Variants in ZNF512 observed in about 807,000 individuals in gnomAD.
The protein encoded by ZNF512 is zinc finger protein 512.
A neutral mutation model predicts 77.5 loss-of-function variants in ZNF512; 25 were observed. That is an observed-to-expected ratio of 0.32 (90% CI 0.23 to 0.45). The LOEUF (loss-of-function observed/expected upper bound fraction) is 0.45, where lower values mean the gene tolerates loss of function less well. ZNF512 is among the 20% of genes least tolerant of loss of function. The pLI is 1.00. For missense variants in ZNF512, 483 were observed against 692.6 expected, an observed-to-expected ratio of 0.70 and a Z score of 3.40; for synonymous variants, 246 against 239.9, an observed-to-expected ratio of 1.03 and a Z score of -0.24.
intron 3 of ZNF512, among the ~76,000 whole-genome samples, chr2:27,598,900 C>A (rs1671990638): frequency 6.6e-6 from 1 of 151,872 alleles, no homozygotes; most frequent in African/African-American, 2.4e-5. Flanking sequence ...GACTCGAGCT[C>A]AGGCTCACCG....
intron 10 of ZNF512, 77 bp downstream of exon 10, chr2:27,608,116 A>G: frequency 7.4e-7 from 1 of 1,357,980 alleles, no homozygotes; most frequent in Admixed American, 2.9e-5. Flanking sequence ...AAGTAAATGC[A>G]CTTGAGGAAG....
At chr2:27,594,899 C>T (rs556682305) in intron 2 of ZNF512, among the ~76,000 whole-genome samples, 2 of 152,206 alleles carry the variant, frequency 1.3e-5, no homozygotes, top group African/African-American at 2.4e-5. Context: ...GAGGCGGAGG[C>T]GAGCAGATCA....
intron 2 of ZNF512, among the ~76,000 whole-genome samples, chr2:27,586,692 C>T (rs915688432): frequency 2.0e-5 from 3 of 152,280 alleles, no homozygotes; most frequent in Admixed American, 6.5e-5. Flanking sequence ...TGTCTGTACC[C>T]GTGAAACCAT....
chr2:27,584,026 C>T lies in ZNF512; in HGVS notation c.89+310C>T, dbSNP rs1168034310. ...TAGTATCATAGCTACTAGCCCCGTA[C>T]GCCTTTTGAGCGCTTGAAATGTGGC... On this transcript the variant is annotated intron_variant, in intron 2 of 13. Coordinates refer to ENST00000355467, the MANE Select transcript of ZNF512 (RefSeq NM_032434.4). Among the ~76,000 whole-genome samples, 2 of 152,084 alleles carry T rather than the reference C, an allele frequency of 1.3e-5. 1 individual carries two copies.
At chr2:27,587,667 C>A (rs1280571694) in intron 2 of ZNF512, among the ~76,000 whole-genome samples, 1 of 142,440 alleles carries the variant, frequency 7.0e-6, no homozygotes, top group South Asian at 2.2e-4. Context: ...TTTTTTGCAT[C>A]TGTTCATATT....
intron 2 of ZNF512, among the ~76,000 whole-genome samples, chr2:27,586,597 T>G (rs1392934781): frequency 6.6e-6 from 1 of 152,198 alleles, no homozygotes; most frequent in African/African-American, 2.4e-5. Context: ...GTCCATTAAT[T>G]TTTAAAAATA....
chr2:27,603,333 C>G (rs943003427), intron 9 of ZNF512, 26 bp downstream of exon 9: 1 of 1,609,994 alleles, frequency 6.2e-7, no homozygotes, highest in Non-Finnish European at 8.5e-7. Flanking sequence ...TTTCTATACC[C>G]TGCGTGGGGA....
chr2:27,599,897 G>T, intron 4 of ZNF512, 73 bp from the exon 5 acceptor site: 2 of 1,523,360 alleles, frequency 1.3e-6, no homozygotes, highest in Admixed American at 1.7e-5. Context: ...GGGTGTTGAA[G>T]AGGAGGAGAG....
chr2:27,591,448 G>A (rs147659932), intron 2 of ZNF512, among the ~76,000 whole-genome samples: 2 of 152,000 alleles, frequency 1.3e-5, no homozygotes, highest in Non-Finnish European at 2.9e-5. Context: ...ACAGAGTCTC[G>A]CTCTGTCACC....
chr2:27,600,740 C>T lies in ZNF512; in HGVS notation c.507C>T (p.Val169=), dbSNP rs756149392. 3.1e-6 allele frequency: 5 copies of T among 1,614,002 alleles called. No individual in the cohort carries two copies. The highest frequency in any genetic ancestry group is 2.2e-5 in the East Asian group (1 of 44,886). The stretch of plus-strand genomic sequence containing the variant: ...TAGAAATCGTTGATAAAGGCAGTGT[C>T]TCCTGCCCTACCTGCCAGGCAGTGG... ...WYLEIVDKGS[V]SCPTCQAVGR... Residue 169 remains valine, a synonymous_variant, in exon 6 of 14, where the codon GTC becomes GTT. Coordinates refer to ENST00000355467, the MANE Select transcript of ZNF512 (RefSeq NM_032434.4).
intron 10 of ZNF512, among the ~76,000 whole-genome samples, chr2:27,611,144 ATTTTAGACTAG>A (rs1402475477): frequency 6.6e-6 from 1 of 152,134 alleles, no homozygotes; most frequent in Admixed American, 6.5e-5. Flanking sequence ...TTTTGAAATA[ATTTTAGACTAG>A]TTAGCAGAGT....
chr2:27,604,009 C>T (rs571831308), intron 9 of ZNF512, among the ~76,000 whole-genome samples: 1 of 152,246 alleles, frequency 6.6e-6, no homozygotes, highest in Admixed American at 6.5e-5. Context: ...TCACTGTGAC[C>T]TCCGCCTCCT....
At chr2:27,593,265 C>T (rs900122062) in intron 2 of ZNF512, among the ~76,000 whole-genome samples, 2 of 147,084 alleles carry the variant, frequency 1.4e-5, no homozygotes, top group South Asian at 2.2e-4. Flanking sequence ...AGCTGGGTAC[C>T]GTGGCACACA....
rs767964486 is a variant in ZNF512 at position 27,610,568 on chromosome 2, ATTTTTTTTTTTTTTT to A, written c.1131+2547_1131+2561del. Among the ~76,000 whole-genome samples the A allele has an allele frequency of 9.9e-4, 18 of 18,172 alleles. 2 individuals carry two copies. Among genetic ancestry groups the A allele is most frequent in the African/African-American group, 1.3e-3 (9 of 6,768 alleles). The allele number at this position is 18,172 out of a possible 152,430, so 11.9% of individuals were successfully genotyped here. ...TGTATATATATATATATATATATAT[ATTTTTTTTTTTTTTT>A]TTTTTTTTTTTTTTTTTGAGACAGC... On this transcript the variant is annotated intron_variant, in intron 10 of 13. Transcript: ENST00000355467.
At chr2:27,594,594 C>T (rs1671767246) in intron 2 of ZNF512, among the ~76,000 whole-genome samples, 1 of 151,168 alleles carries the variant, frequency 6.6e-6, no homozygotes, top group South Asian at 2.1e-4. Context: ...AGAGACGCTC[C>T]TCACTTCCTA....
At chr2:27,607,172 A>C (rs1389126101) in intron 9 of ZNF512, among the ~76,000 whole-genome samples, 3 of 152,184 alleles carry the variant, frequency 2.0e-5, no homozygotes, top group African/African-American at 7.2e-5. Context: ...ACTGTATCCC[A>C]GCCAACTTGA....
chr2:27,618,025 G>C (rs758371079), intron 13 of ZNF512, among the ~76,000 whole-genome samples: 1 of 150,348 alleles, frequency 6.7e-6, no homozygotes, highest in East Asian at 2.0e-4. Context: ...TCCACCTCTC[G>C]GGTTCAAGCA....
intron 13 of ZNF512, among the ~76,000 whole-genome samples, chr2:27,620,406 T>C (rs1673065488): frequency 6.6e-6 from 1 of 152,232 alleles, no homozygotes; most frequent in Non-Finnish European, 1.5e-5. Flanking sequence ...ACTTGTCACA[T>C]ACATGTACCC....
intron 2 of ZNF512, among the ~76,000 whole-genome samples, chr2:27,586,181 C>T (rs1671315357): frequency 6.6e-6 from 1 of 152,026 alleles, no homozygotes; most frequent in East Asian, 1.9e-4. Flanking sequence ...ACATGGGACT[C>T]AGCTCTTAAT....
Sources: gnomAD v4.1 joint callset for allele counts (sites outside exome capture counted in the v4.1 genomes callset) on GRCh38, gnomAD v4.1.1 for gene constraint, MANE v1.5 for transcripts, NCBI Gene and HGNC (gene_info 2026-07-23, HGNC 2026-07-21) for gene names.